The following FAM193A variants were observed in gnomAD, a reference collection of about 807,000 sequenced individuals.
FAM193A encodes the protein protein FAM193A.
A neutral mutation model predicts 126.5 loss-of-function variants in FAM193A; 22 were observed. That is an observed-to-expected ratio of 0.17 (90% confidence interval 0.12 to 0.25). The LOEUF (loss-of-function observed/expected upper bound fraction) is 0.25, where lower values mean the gene tolerates loss of function less well. Among genes scored for constraint, FAM193A ranks in the 10% least tolerant of loss-of-function variants. The pLI, the probability that FAM193A is intolerant of heterozygous loss-of-function variation, is 1.00. For missense variants in FAM193A, 1,675 were observed against 1,672.8 expected (o/e 1.00, Z -0.02); for synonymous variants, 761 against 646.8 (o/e 1.18, Z -2.68).
At chr4:2,684,337 G>T (rs1014505024) in intron 13 of FAM193A, among the ~76,000 whole-genome samples, 5 of 151,934 alleles carry the variant, frequency 3.3e-5, no homozygotes, top group African/African-American at 1.2e-4. Flanking sequence ...CTTAAGTCCT[G>T]ATTCTGACTA....
intron 7 of FAM193A, among the ~76,000 whole-genome samples, chr4:2,654,045 A>C (rs1273858259): frequency 6.6e-6 from 1 of 152,138 alleles, no homozygotes; most frequent in Non-Finnish European, 1.5e-5. Context: ...TCTCCACTGG[A>C]GCTGTTTTAA....
Position 2,672,152 on chromosome 4 carries a change from A to C in FAM193A, c.2111A>C (p.His704Pro). 6.2e-7 allele frequency: 1 copy of C among 1,614,058 alleles called. No homozygotes were observed. Among genetic ancestry groups the C allele is most frequent in the African/African-American group, 1.3e-5 (1 of 75,006 alleles). The change falls in exon 13 of 21, where the codon CAT (histidine) becomes CCT (proline). Residue 704 changes from histidine (H) to proline (P), a missense_variant. By Grantham distance (77) the His-to-Pro change is moderately conservative. This residue lies in a region of FAM193A where 1,186 missense variants were observed against 1,109.2 expected (regional missense o/e 1.07). Transcript: ENST00000637812. ...AEQAPNTCEC[H>P]VCKQEASGLT... The stretch of plus-strand genomic sequence containing the variant: ...CAAGCTCCAAACACTTGTGAATGTC[A>C]TGTTTGTAAGCAGGAAGCTTCTGGA...
intron 19 of FAM193A, among the ~76,000 whole-genome samples, chr4:2,708,849 A>G (rs533362196): frequency 3.9e-5 from 6 of 152,214 alleles, no homozygotes; most frequent in Non-Finnish European, 5.9e-5. Context: ...CAGGCATTCT[A>G]TTATATATGT....
chr4:2,719,419 C>T (rs1360957075), intron 20 of FAM193A, among the ~76,000 whole-genome samples: 1 of 152,134 alleles, frequency 6.6e-6, no homozygotes, highest in South Asian at 2.1e-4. Flanking sequence ...ATTGGTTTAT[C>T]CCAGGAACGC....
At chr4:2,626,308 G>A (rs1357072618) in intron 3 of FAM193A, 102 bp from the exon 4 acceptor site, 2 of 635,370 alleles carry the variant, frequency 3.1e-6, no homozygotes, top group Non-Finnish European at 5.8e-6. Context: ...CTGGGAGCTG[G>A]GCAAGGTGCA....
At chr4:2,615,344 T>C (rs1189938934) in intron 2 of FAM193A, 1 of 152,158 alleles carries the variant, frequency 6.6e-6, no homozygotes, top group Non-Finnish European at 1.5e-5. Context: ...TATACATTTC[T>C]TTTAAAATTT....
chr4:2,692,548 T>A (rs1716521086), intron 15 of FAM193A, among the ~76,000 whole-genome samples: 1 of 152,178 alleles, frequency 6.6e-6, no homozygotes, highest in Non-Finnish European at 1.5e-5. Flanking sequence ...ACTGGGTGCA[T>A]CCCATTGCCA....
At chr4:2,651,994 A>T (rs1745717474) in intron 7 of FAM193A, among the ~76,000 whole-genome samples, 1 of 152,060 alleles carries the variant, frequency 6.6e-6, no homozygotes, top group Non-Finnish European at 1.5e-5. Context: ...CATGATAGGG[A>T]ATGTGGAGAA....
intron 1 of FAM193A, among the ~76,000 whole-genome samples, chr4:2,564,332 C>T (rs940825356): frequency 1.3e-5 from 2 of 152,100 alleles, no homozygotes; most frequent in African/African-American, 4.8e-5. Flanking sequence ...ATTCTCCTGC[C>T]TTGGCCTCAC....
chr4:2,626,415 T>C lies in FAM193A; in HGVS notation c.641T>C (p.Ile214Thr). 1 of 698,900 alleles carries C rather than the reference T, an allele frequency of 1.4e-6. No individual in the cohort carries two copies. The allele number at this position is 698,900 out of a possible 1,614,324, so 43.3% of individuals were successfully genotyped here. A position where few individuals can be genotyped will look rare whatever the true frequency, so the allele number is the denominator to read the frequency against. Residue 214 changes from isoleucine to threonine, a missense_variant, in exon 4 of 21, where the codon ATT becomes ACT. By Grantham distance (89) the Ile-to-Thr change is moderately conservative. Around this residue, in one of 4 missense-constraint regions of FAM193A, gnomAD observed 1,186 missense variants for 1,109.2 expected, o/e 1.07. Transcript: ENST00000637812. ...SCEACSERRE[I>T]SAEADREPQQ... ...CTTCCTGTGTTGTCTCACAGAGAAA[T>C]TTCGGCAGAGGCGGACCGGGAACCT...
At chr4:2,710,208 T>C (rs189285469) in intron 19 of FAM193A, among the ~76,000 whole-genome samples, 34 of 136,768 alleles carry the variant, frequency 2.5e-4, no homozygotes, top group Admixed American at 6.3e-4. Flanking sequence ...AGAGTCTCGC[T>C]CTGTCCCCCA....
At chr4:2,680,801 C>T (rs1030990267) in intron 13 of FAM193A, among the ~76,000 whole-genome samples, 1 of 151,898 alleles carries the variant, frequency 6.6e-6, no homozygotes, top group Non-Finnish European at 1.5e-5. Context: ...ACCACCATGC[C>T]CGGCTAATTT....
chr4:2,653,766 G>T (rs1745905159), intron 7 of FAM193A, among the ~76,000 whole-genome samples: 1 of 152,162 alleles, frequency 6.6e-6, no homozygotes, highest in Non-Finnish European at 1.5e-5. Flanking sequence ...TATTTTCACT[G>T]TCTTGTGAAG....
Position 2,697,939 on chromosome 4 carries a change from C to T in FAM193A, c.3507+1346C>T, listed in dbSNP as rs549222782. 1.3e-4 allele frequency among the ~76,000 whole-genome samples: 20 copies of T among 152,334 alleles called. 1 individual carries two copies. The East Asian group carries it at 3.1e-3, about 23-fold the overall frequency. The stretch of plus-strand genomic sequence containing the variant: ...CCTTCCTGAGTTTTCAGGGTACTCT[C>T]CACCCCAGGCTCTTGCCCTCTGACC... On this transcript the variant is annotated intron_variant, in intron 18 of 20. Transcript: ENST00000637812.
intron 1 of FAM193A, among the ~76,000 whole-genome samples, chr4:2,589,034 A>G (rs1740382378): frequency 1.3e-5 from 2 of 152,328 alleles, no homozygotes; most frequent in Admixed American, 6.5e-5. Context: ...CTGTCCCATG[A>G]CAGAGCAGGG....
At chr4:2,639,648 G>A in intron 5 of FAM193A, 87 bp from the exon 6 acceptor site, 1 of 1,019,648 alleles carries the variant, frequency 9.8e-7, no homozygotes, top group Non-Finnish European at 1.4e-6. Context: ...GGGGAAATGG[G>A]GAGGGGGGAG....
At chr4:2,698,479 AT>A (rs1717298869) in intron 18 of FAM193A, among the ~76,000 whole-genome samples, 1 of 152,204 alleles carries the variant, frequency 6.6e-6, no homozygotes, top group Non-Finnish European at 1.5e-5. Flanking sequence ...ATGTTAAATA[AT>A]TTTTACTTGA....
intron 12 of FAM193A, among the ~76,000 whole-genome samples, chr4:2,665,787 A>G (rs1280320880): frequency 1.3e-5 from 2 of 152,130 alleles, no homozygotes; most frequent in Non-Finnish European, 2.9e-5. Flanking sequence ...TCAGCCTCCC[A>G]AAGTTTTAGG....
At position 2,694,935 on chromosome 4, in the gene FAM193A, C is replaced by A; in HGVS notation, c.3093-11C>A. The stretch of plus-strand genomic sequence containing the variant: ...GGCCACTTGCTGATGAGCTTGTATG[C>A]GGTTTTGCAGTGACCCTGACTGCGA... On this transcript the variant is annotated splice_polypyrimidine_tract_variant and intron_variant, in intron 16 of 20. Transcript: ENST00000637812. The A allele has an allele frequency of 6.3e-7, 1 of 1,576,810 alleles. No individual in the cohort carries two copies. Among genetic ancestry groups the A allele is most frequent in the Non-Finnish European group, 8.6e-7 (1 of 1,164,924 alleles).
Sources: gnomAD v4.1 joint callset for allele counts (sites outside exome capture counted in the v4.1 genomes callset) on GRCh38, gnomAD v4.1.1 for gene constraint, gnomAD v4.1.1 regional missense constraint, MANE v1.5 for transcripts, NCBI Gene and HGNC (gene_info 2026-07-23, HGNC 2026-07-21) for gene names.